Variants in ARHGAP8 observed in about 807,000 individuals in gnomAD.
ARHGAP8 encodes rho GTPase-activating protein 8.
Under a neutral mutation model 46.1 loss-of-function variants are expected in ARHGAP8, and 62 were observed. That is an observed-to-expected ratio of 1.34 (90% CI 1.10 to 1.66). ARHGAP8 has a LOEUF of 1.66. Ranked by LOEUF, ARHGAP8 falls within the 40% of genes most tolerant of loss-of-function variation. The probability of loss-of-function intolerance (pLI) is 0.00; values close to 1 mark genes in which losing one functional copy is unlikely to be tolerated. For synonymous variants in ARHGAP8, 375 were observed against 243.1 expected (o/e 1.54, Z -5.05); for missense variants, 923 against 568.4 (o/e 1.62, Z -6.34).
At chr22:44,786,435 C>G in intron 1 of ARHGAP8, 22 bp from the exon 2 acceptor site, 1 of 1,561,188 alleles carries the variant, frequency 6.4e-7, no homozygotes, top group Non-Finnish European at 8.7e-7. Flanking sequence ...GCACTGACTT[C>G]CTTTAATCTT....
intron 1 of ARHGAP8, among the ~76,000 whole-genome samples, chr22:44,762,450 AT>A (rs1011557895): frequency 4.6e-5 from 7 of 151,458 alleles, no homozygotes; most frequent in African/African-American, 1.7e-4. Flanking sequence ...ACAAAAAAAA[AT>A]CTTTGTTAGG....
intron 1 of ARHGAP8, among the ~76,000 whole-genome samples, chr22:44,760,320 A>C (rs78500736): frequency 0.018 from 2,696 of 152,288 alleles, 38 homozygotes; most frequent in South Asian, 0.041. Flanking sequence ...ATCCCAGCTC[A>C]GTAGTGACCC....
At chr22:44,755,575 G>A (rs889941898) in intron 1 of ARHGAP8, among the ~76,000 whole-genome samples, 1 of 152,272 alleles carries the variant, frequency 6.6e-6, no homozygotes, top group Non-Finnish European at 1.5e-5. Flanking sequence ...GCAGGAGAGC[G>A]CGCTGCTCCG....
intron 5 of ARHGAP8, among the ~76,000 whole-genome samples, chr22:44,817,936 G>A (rs866524683): frequency 1.9e-4 from 29 of 152,084 alleles, no homozygotes; most frequent in African/African-American, 6.5e-4. Flanking sequence ...GTAACATGGC[G>A]GAACCTCGCC....
At chr22:44,860,939 A>G (rs190136282) in intron 11 of ARHGAP8, among the ~76,000 whole-genome samples, 320 of 151,892 alleles carry the variant, frequency 2.1e-3, no homozygotes, top group African/African-American at 7.1e-3. Flanking sequence ...TTGGTTTTAC[A>G]ACAATTTTTT....
chr22:44,804,941 G>A lies in ARHGAP8; in HGVS notation c.167+2777G>A, dbSNP rs117319395. Among the ~76,000 whole-genome samples the A allele has an allele frequency of 1.2e-4, 19 of 152,328 alleles. No individual in the cohort carries two copies. In the East Asian group the frequency reaches 3.7e-3, roughly 29 times the overall value. ...CTGCTGCTGCACGGCGAGACCTGCA[G>A]GATTCATGGGGCGAGCTTGGATCCT... On this transcript the variant is annotated intron_variant, in intron 3 of 11. Transcript: ENST00000356099.
intron 5 of ARHGAP8, among the ~76,000 whole-genome samples, chr22:44,819,000 G>T (rs558367734): frequency 6.6e-6 from 1 of 152,220 alleles, no homozygotes; most frequent in African/African-American, 2.4e-5. Context: ...TGACTGTTTA[G>T]AATAGGGCCT....
In ARHGAP8 at chr22:44,849,064, C is replaced by T. The variant is rs751295393; in HGVS notation, c.877+4C>T. The T allele has an allele frequency of 1.4e-5, 22 of 1,613,680 alleles. No individual in the cohort carries two copies. Among genetic ancestry groups the T allele is most frequent in the African/African-American group, 6.7e-5 (5 of 75,036 alleles). On this transcript the variant is annotated splice_donor_region_variant and intron_variant, in intron 10 of 11. Coordinates refer to ENST00000356099, the MANE Select transcript of ARHGAP8 (RefSeq NM_181335.3). ...GAGCAGATTCTCGGGATCACCTGTG[C>T]GTAGCTGCCCTGGCGCAGGGGTGGG...
intron 11 of ARHGAP8, among the ~76,000 whole-genome samples, chr22:44,860,757 A>G (rs1042132687): frequency 2.5e-4 from 31 of 124,466 alleles, no homozygotes; most frequent in Admixed American, 2.2e-3. Flanking sequence ...TGTGCAGCCA[A>G]CAGGGGAAGG....
chr22:44,861,762 T>C (rs1225781747), intron 11 of ARHGAP8, among the ~76,000 whole-genome samples: 1 of 152,172 alleles, frequency 6.6e-6, no homozygotes, highest in Non-Finnish European at 1.5e-5. Flanking sequence ...ATCTGTAAGA[T>C]GGGGAGTAAT....
At chr22:44,830,112 C>T (rs1930836933) in intron 7 of ARHGAP8, among the ~76,000 whole-genome samples, 1 of 151,614 alleles carries the variant, frequency 6.6e-6, no homozygotes, top group Admixed American at 6.6e-5. Flanking sequence ...CAACCTCTGC[C>T]TCCTGGGTTC....
Position 44,814,680 on chromosome 22 carries a change from AGAACTT to A in ARHGAP8, c.312_317del (p.Asn104_Leu105del), listed in dbSNP as rs1383794798. 6.2e-7 allele frequency: 1 copy of A among 1,613,870 alleles called. No individual in the cohort carries two copies. Among genetic ancestry groups the A allele is most frequent in the Admixed American group, 1.7e-5 (1 of 59,944 alleles). ...CCCGTTTCCCTCCTCAGGTACAAGA[AGAACTT>A]GAAGGCCCTCTACGTGGTGCACCCC... is the stretch of plus-strand genomic sequence containing the variant. On this transcript the variant is annotated inframe_deletion, in exon 5 of 12. Coordinates refer to ENST00000356099, the MANE Select transcript of ARHGAP8 (RefSeq NM_181335.3).
At chr22:44,852,305 T>C (rs932266717) in intron 10 of ARHGAP8, among the ~76,000 whole-genome samples, 3 of 151,460 alleles carry the variant, frequency 2.0e-5, no homozygotes, top group African/African-American at 7.3e-5. Context: ...TGGAAAGTCA[T>C]GGAGCTTCAA....
At position 44,862,661 on chromosome 22, in the gene ARHGAP8, A is replaced by T. The variant is rs140803027; in HGVS notation, c.*66A>T. 1.3e-6 allele frequency: 2 copies of T among 1,486,116 alleles called. No homozygotes were observed. Among genetic ancestry groups the T allele is most frequent in the African/African-American group, 2.8e-5 (2 of 71,220 alleles). The allele number at this position is 1,486,116 out of a possible 1,614,324, so 92.1% of individuals were successfully genotyped here. Reference sequence around the variant, plus strand: ...CTGTCTGTGCACTTGTATGTTTTGTAAACTTGGCATCTGTAAAAATAACCA... The same window carrying T: ...CTGTCTGTGCACTTGTATGTTTTGTTAACTTGGCATCTGTAAAAATAACCA... On this transcript the variant is annotated 3_prime_UTR_variant, in exon 12 of 12. Coordinates refer to ENST00000356099, the MANE Select transcript of ARHGAP8 (RefSeq NM_181335.3).
At chr22:44,787,047 A>C (rs73176128) in intron 2 of ARHGAP8, among the ~76,000 whole-genome samples, 28 of 145,534 alleles carry the variant, frequency 1.9e-4, no homozygotes, top group South Asian at 8.9e-4. Context: ...CAAAAAAAAA[A>C]AAAAGAAAGA....
intron 10 of ARHGAP8, among the ~76,000 whole-genome samples, chr22:44,858,517 G>C (rs1004549214): frequency 7.5e-6 from 1 of 133,598 alleles, no homozygotes; most frequent in Non-Finnish European, 1.6e-5. Context: ...TTACAGGTGT[G>C]TGCCACCATA....
chr22:44,786,493 T>C lies in ARHGAP8; in HGVS notation c.-35T>C. ...GACAAGGCGGCGGCGGCTGCTGTGCTGGGTGCAGTGAGGAAGAGGCCCTCG... is the reference window on the plus strand; with the variant it reads ...GACAAGGCGGCGGCGGCTGCTGTGCCGGGTGCAGTGAGGAAGAGGCCCTCG... On this transcript the variant is annotated 5_prime_UTR_variant, in exon 2 of 12. Coordinates refer to ENST00000356099, the MANE Select transcript of ARHGAP8 (RefSeq NM_181335.3). The C allele has an allele frequency of 6.2e-7, 1 of 1,612,214 alleles. No individual in the cohort carries two copies. Among genetic ancestry groups the C allele is most frequent in the Non-Finnish European group, 8.5e-7 (1 of 1,179,364 alleles).
chr22:44,860,434 C>G (rs371866373), intron 11 of ARHGAP8, among the ~76,000 whole-genome samples: 8 of 151,278 alleles, frequency 5.3e-5, no homozygotes, highest in African/African-American at 9.8e-5. Context: ...TGGCCTTTGT[C>G]TGTGTGTGTG....
intron 7 of ARHGAP8, among the ~76,000 whole-genome samples, chr22:44,839,398 T>A (rs1174841646): frequency 7.1e-6 from 1 of 140,584 alleles, no homozygotes; most frequent in East Asian, 1.9e-4. Flanking sequence ...AGAAGCCTTA[T>A]GGCTGTGGAC....
Sources: allele counts gnomAD v4.1 joint callset (sites outside exome capture counted in the v4.1 genomes callset), GRCh38; gene constraint gnomAD v4.1.1; transcripts MANE v1.5; gene names NCBI Gene and HGNC (gene_info 2026-07-23, HGNC 2026-07-21).